Variants in MMUT observed in about 807,000 individuals in gnomAD.
MMUT encodes the protein methylmalonyl-CoA mutase.
Under a neutral mutation model 79.9 loss-of-function variants are expected in MMUT, and 79 were observed. The observed-to-expected ratio is 0.99, with a 90% confidence interval of 0.82 to 1.19. The LOEUF is 1.19. Among genes scored for constraint, MMUT ranks in the 50% most tolerant of loss-of-function variants. MMUT has a pLI of 0.00. For synonymous variants in MMUT, 273 were observed against 295.7 expected, an observed-to-expected ratio of 0.92 and a Z score of 0.79; for missense variants, 860 against 917.2, an observed-to-expected ratio of 0.94 and a Z score of 0.81.
chr6:49,455,991 T>C (rs1478576151), intron 4 of MMUT, 89 bp downstream of exon 4: 11 of 1,156,626 alleles, frequency 9.5e-6, no homozygotes, highest in Non-Finnish European at 1.3e-5. Flanking sequence ...TAGCCTGACA[T>C]TTATATTTAT....
At chr6:49,445,377 T>C (rs1315479820) in intron 8 of MMUT, among the ~76,000 whole-genome samples, 1 of 152,094 alleles carries the variant, frequency 6.6e-6, no homozygotes, top group Non-Finnish European at 1.5e-5. Flanking sequence ...TTTTTACAAA[T>C]TGTACCACCT....
intron 6 of MMUT, among the ~76,000 whole-genome samples, chr6:49,450,756 A>C (rs1373978173): frequency 6.6e-6 from 1 of 152,192 alleles, no homozygotes; most frequent in African/African-American, 2.4e-5. Context: ...TTTCTATGAG[A>C]TGTACTTCCA....
At position 49,446,477 on chromosome 6, in the gene MMUT, G is replaced by A. The variant is rs372759851; in HGVS notation, c.1560+1193C>T. Among the ~76,000 whole-genome samples the A allele has an allele frequency of 5.1e-4, 77 of 151,866 alleles. 1 individual carries two copies. The highest frequency in any genetic ancestry group is 1.7e-3 in the African/African-American group (70 of 41,506). On this transcript the variant is annotated intron_variant, in intron 8 of 12. Coordinates refer to ENST00000274813, the MANE Select transcript of MMUT (RefSeq NM_000255.4). ...CAGAATATCCATTTCTCCTAAACTG[G>A]CTCTAGAGTCAAAAAGCCTGCATTC... is the stretch of plus-strand genomic sequence containing the variant.
At chr6:49,451,783 C>A in intron 5 of MMUT, 69 bp from the exon 6 acceptor site, 1 of 1,447,400 alleles carries the variant, frequency 6.9e-7, no homozygotes, top group Non-Finnish European at 9.6e-7. Context: ...TAAACAGCAA[C>A]ATGATTAAAC....
In MMUT at chr6:49,439,135, C is replaced by A. The variant is rs187736213; in HGVS notation, c.1956+1071G>T. Reference sequence around the variant, plus strand: ...CTGCTCAAGCTGGACCACATATATACCACTTCCATTTGATGATGGAATGCT... The same window carrying A: ...CTGCTCAAGCTGGACCACATATATAACACTTCCATTTGATGATGGAATGCT... On this transcript the variant is annotated intron_variant, in intron 11 of 12. Transcript: ENST00000274813. 1.9e-4 allele frequency among the ~76,000 whole-genome samples: 29 copies of A among 152,194 alleles called. No homozygotes were observed. The East Asian group carries it at 4.5e-3, about 23-fold the overall frequency.
chr6:49,449,405 A>T lies in MMUT; in HGVS notation c.1333-478T>A, dbSNP rs1767493087. Among the ~76,000 whole-genome samples the T allele has an allele frequency of 2.0e-5, 3 of 152,184 alleles. No individual in the cohort carries two copies. In the South Asian group the frequency reaches 6.2e-4, roughly 32 times the overall value. On this transcript the variant is annotated intron_variant, in intron 6 of 12. Transcript: ENST00000274813. ...ACAGTGGAATGATATATGACTTAGC[A>T]GAAAGGATCAAGGTCAACCTGCTTT...
At chr6:49,452,579 C>T (rs1269333697) in intron 5 of MMUT, among the ~76,000 whole-genome samples, 2 of 152,110 alleles carry the variant, frequency 1.3e-5, no homozygotes, top group South Asian at 2.1e-4. Flanking sequence ...GTGATCTGCC[C>T]GCCTTGGCCT....
chr6:49,430,756 C>CT lies in MMUT; in HGVS notation c.*971dup. 2 of 152,154 alleles carry CT rather than the reference C, an allele frequency of 1.3e-5. No individual in the cohort carries two copies. Among genetic ancestry groups the CT allele is most frequent in the Non-Finnish European group, 2.9e-5 (2 of 67,992 alleles). 9.4% of individuals were successfully genotyped at this position (152,154 alleles called of 1,614,324 possible). A position where few individuals can be genotyped will look rare whatever the true frequency, so the allele number is the denominator to read the frequency against. On this transcript the variant is annotated 3_prime_UTR_variant, in exon 13 of 13. Transcript: ENST00000274813. The stretch of plus-strand genomic sequence containing the variant: ...GGACAACTTTCCTTTTTTATTTAAA[C>CT]TTTTTTTATTTTACATTCTGGGGAA...
At chr6:49,445,533 A>G (rs1767389896) in intron 8 of MMUT, among the ~76,000 whole-genome samples, 1 of 152,070 alleles carries the variant, frequency 6.6e-6, no homozygotes, top group Non-Finnish European at 1.5e-5. Context: ...CACAGATAGC[A>G]AAATTCAGGG....
chr6:49,453,907 T>C (rs1767622545), intron 4 of MMUT, 151 bp from the exon 5 acceptor site: 2 of 651,590 alleles, frequency 3.1e-6, no homozygotes, highest in Admixed American at 3.0e-5. Flanking sequence ...CGTACATTTA[T>C]GTAACTTTAA....
At chr6:49,449,942 A>G (rs1767506875) in intron 6 of MMUT, among the ~76,000 whole-genome samples, 1 of 152,094 alleles carries the variant, frequency 6.6e-6, no homozygotes, top group Non-Finnish European at 1.5e-5. Flanking sequence ...TATAGAAAAG[A>G]TAAGAGCAGG....
In MMUT at chr6:49,440,310, G is replaced by T. The variant is rs1767241217; in HGVS notation, c.1852C>A (p.Leu618Ile). ...MEREGRRPRL[L>I]VAKMGQDGHD... ...CCATCTTGTCCCATTTTTGCTACAA[G>T]AAGACGAGGTCTGCGACCTTCACGT... The change falls in exon 11 of 13, where the codon CTT (leucine) becomes ATT (isoleucine). Residue 618 changes from leucine (L) to isoleucine (I), a missense_variant. Leu to Ile is a conservative substitution (Grantham distance 5). Coordinates refer to ENST00000274813, the MANE Select transcript of MMUT (RefSeq NM_000255.4). 3 of 1,614,012 alleles carry T rather than the reference G, an allele frequency of 1.9e-6. No individual in the cohort carries two copies. Among genetic ancestry groups the T allele is most frequent in the Non-Finnish European group, 2.5e-6 (3 of 1,179,954 alleles).
In MMUT at chr6:49,447,742, T is replaced by C; in HGVS notation, c.1488A>G (p.Lys496=). ...IVGVNKYQLE[K]EDAVEVLAID... is the part of the protein sequence containing the mutation. Reference sequence around the variant, plus strand: ...TTGCCAGAACTTCTACAGCGTCTTCTTTTTCCAACTGGTACTTATTTACTC... The same window carrying C: ...TTGCCAGAACTTCTACAGCGTCTTCCTTTTCCAACTGGTACTTATTTACTC... Residue 496 remains lysine (K), a synonymous_variant, in exon 8 of 13, where the codon AAA becomes AAG. Coordinates refer to ENST00000274813, the MANE Select transcript of MMUT (RefSeq NM_000255.4). 6.2e-7 allele frequency: 1 copy of C among 1,611,878 alleles called. No homozygotes were observed. Among genetic ancestry groups the C allele is most frequent in the East Asian group, 2.2e-5 (1 of 44,736 alleles).
intron 2 of MMUT, 121 bp downstream of exon 2, chr6:49,458,961 T>G: frequency 9.9e-7 from 1 of 1,012,930 alleles, no homozygotes; most frequent in Non-Finnish European, 1.4e-6. Flanking sequence ...TTTCAGAGTA[T>G]AGTCTTTAAC....
chr6:49,460,241 T>G (rs1382977500), intron 1 of MMUT, among the ~76,000 whole-genome samples: 3 of 152,240 alleles, frequency 2.0e-5, no homozygotes, highest in Non-Finnish European at 4.4e-5. Context: ...GTAGCAATTT[T>G]AATCTTTACA....
In MMUT at chr6:49,435,625, T is replaced by C. The variant is rs1554158379; in HGVS notation, c.1957-2A>G. ...CTGCTGGGCCACTTCACGAGGAGTCTAAACAGTCAGAAAGTAAAGATAAAT... is the reference window on the plus strand; with the variant it reads ...CTGCTGGGCCACTTCACGAGGAGTCCAAACAGTCAGAAAGTAAAGATAAAT... On this transcript the variant is annotated splice_acceptor_variant, in intron 11 of 12. Transcript: ENST00000274813. LOFTEE classifies it high-confidence loss of function. 1.2e-6 allele frequency: 2 copies of C among 1,612,998 alleles called. No homozygotes were observed. The highest frequency in any genetic ancestry group is 2.2e-5 in the East Asian group (1 of 44,874).
At chr6:49,448,103 T>C (rs567301139) in intron 7 of MMUT, among the ~76,000 whole-genome samples, 2 of 152,092 alleles carry the variant, frequency 1.3e-5, no homozygotes, top group African/African-American at 4.8e-5. Context: ...ATTTATAAGG[T>C]AGAGAATGAA....
At chr6:49,449,355 C>A (rs1326375953) in intron 6 of MMUT, among the ~76,000 whole-genome samples, 1 of 152,130 alleles carries the variant, frequency 6.6e-6, no homozygotes, top group Non-Finnish European at 1.5e-5. Flanking sequence ...TCAATCATAG[C>A]TTCATATATG....
intron 9 of MMUT, among the ~76,000 whole-genome samples, chr6:49,442,692 G>A (rs995668854): frequency 6.6e-6 from 1 of 152,052 alleles, no homozygotes; most frequent in Non-Finnish European, 1.5e-5. Flanking sequence ...GATCCCAAGG[G>A]AACATAAAAC....
Sources: allele counts gnomAD v4.1 joint callset (sites outside exome capture counted in the v4.1 genomes callset), GRCh38; gene constraint gnomAD v4.1.1; transcripts MANE v1.5; gene names NCBI Gene and HGNC (gene_info 2026-07-23, HGNC 2026-07-21).